NAV3: variants seen among roughly 807,000 people sequenced by gnomAD.
NAV3 encodes pore membrane and/or filament interacting like protein 1.
A neutral mutation model predicts 244.7 loss-of-function variants in NAV3; 87 were observed. The observed-to-expected ratio is 0.36, with a 90% CI of 0.30 to 0.42. The LOEUF is 0.42. Ranked by LOEUF, NAV3 falls within the 20% of genes least tolerant of loss-of-function variation. NAV3 has a pLI of 1.00. For synonymous variants in NAV3, 1,126 were observed against 1,042.2 expected (o/e 1.08, Z -1.55); for missense variants, 2,663 against 2,893.3 (o/e 0.92, Z 1.83).
chr12:78,023,775 T>C (rs1194147129), intron 9 of NAV3, among the ~76,000 whole-genome samples: 1 of 152,186 alleles, frequency 6.6e-6, no homozygotes, highest in South Asian at 2.1e-4. Flanking sequence ...GAAATTAGAT[T>C]ACATATCTTC....
At chr12:77,883,257 C>A (rs987024312) in intron 1 of NAV3, among the ~76,000 whole-genome samples, 4 of 152,102 alleles carry the variant, frequency 2.6e-5, no homozygotes, top group African/African-American at 9.7e-5. Flanking sequence ...GAATACTATG[C>A]TGCTATAAAA....
chr12:78,097,133 G>A (rs1017794511), intron 12 of NAV3, among the ~76,000 whole-genome samples: 1 of 152,164 alleles, frequency 6.6e-6, no homozygotes, highest in Non-Finnish European at 1.5e-5. Context: ...TAGACCTGGA[G>A]GGAGGTTAGG....
intron 2 of NAV3, among the ~76,000 whole-genome samples, chr12:77,639,963 A>T (rs1050984660): frequency 1.3e-5 from 2 of 152,162 alleles, no homozygotes; most frequent in East Asian, 3.9e-4. Flanking sequence ...AGAAGAGTTT[A>T]GAGCAATCTC....
intron 22 of NAV3, among the ~76,000 whole-genome samples, chr12:78,153,095 A>G (rs1244339453): frequency 6.6e-6 from 1 of 152,070 alleles, no homozygotes; most frequent in East Asian, 1.9e-4. Context: ...TAATTGGTAT[A>G]TCGCATATTT....
intron 2 of NAV3, among the ~76,000 whole-genome samples, chr12:77,785,945 A>G (rs1049903580): frequency 2.6e-5 from 4 of 152,214 alleles, no homozygotes; most frequent in African/African-American, 9.6e-5. Flanking sequence ...GATGTTTGTT[A>G]CATTCAACCT....
At chr12:77,637,760 ATTC>A (rs1448348796) in intron 2 of NAV3, among the ~76,000 whole-genome samples, 1 of 152,180 alleles carries the variant, frequency 6.6e-6, no homozygotes, top group African/African-American at 2.4e-5. Flanking sequence ...TTCAGTCAGT[ATTC>A]TTATTTTAAA....
rs1293179126 is a variant in NAV3, at chr12:78,212,900, T to G, written c.*2383T>G. On this transcript the variant is annotated 3_prime_UTR_variant, in exon 40 of 40. Coordinates refer to ENST00000397909, the MANE Select transcript of NAV3 (RefSeq NM_001024383.2). ...ACTGGATGATGTATTTTCTATTGGT[T>G]TATTGTTCCTCTAGCTTGTAAACCA... The G allele has an allele frequency of 6.6e-6, 1 of 152,604 alleles. No homozygotes were observed. Among genetic ancestry groups the G allele is most frequent in the East Asian group, 1.9e-4 (1 of 5,200 alleles). 9.5% of individuals were successfully genotyped at this position (152,604 alleles called of 1,614,324 possible).
chr12:78,191,200 T>C (rs1326961713), intron 34 of NAV3, among the ~76,000 whole-genome samples: 1 of 152,122 alleles, frequency 6.6e-6, no homozygotes, highest in Non-Finnish European at 1.5e-5. Flanking sequence ...TATAGCTTAA[T>C]GAACAAAAAG....
intron 1 of NAV3, among the ~76,000 whole-genome samples, chr12:77,890,285 T>G (rs988426578): frequency 2.6e-5 from 4 of 152,010 alleles, no homozygotes; most frequent in Admixed American, 1.3e-4. Flanking sequence ...TTATTTATTT[T>G]TTGTATTTTT....
intron 1 of NAV3, among the ~76,000 whole-genome samples, chr12:77,876,034 C>T (rs1881800861): frequency 6.6e-6 from 1 of 151,630 alleles, no homozygotes; most frequent in Non-Finnish European, 1.5e-5. Flanking sequence ...ATCTAAATAC[C>T]AAAATAATTA....
chr12:78,057,356 A>G (rs1020260779), intron 11 of NAV3, among the ~76,000 whole-genome samples: 3 of 152,200 alleles, frequency 2.0e-5, no homozygotes, highest in Non-Finnish European at 2.9e-5. Flanking sequence ...GGGTAGATAT[A>G]CTTTAATCCT....
intron 9 of NAV3, among the ~76,000 whole-genome samples, chr12:78,024,991 A>AT (rs1877780334): frequency 6.6e-6 from 1 of 150,930 alleles, no homozygotes; most frequent in African/African-American, 2.4e-5. Flanking sequence ...AAGGGGGAAA[A>AT]AAAAAGCCAC....
At chr12:77,724,322 C>A (rs868542412) in intron 2 of NAV3, among the ~76,000 whole-genome samples, 1 of 151,800 alleles carries the variant, frequency 6.6e-6, no homozygotes, top group African/African-American at 2.4e-5. Flanking sequence ...AACTTTCATT[C>A]AATGCCTGCA....
chr12:78,101,977 G>GA (rs1194948074), intron 12 of NAV3, among the ~76,000 whole-genome samples: 2 of 152,018 alleles, frequency 1.3e-5, no homozygotes, highest in Admixed American at 1.3e-4. Flanking sequence ...AAAAATGTGC[G>GA]AAAAAGTTAT....
intron 2 of NAV3, among the ~76,000 whole-genome samples, chr12:77,805,416 T>C (rs1871925634): frequency 6.6e-6 from 1 of 152,216 alleles, no homozygotes; most frequent in Non-Finnish European, 1.5e-5. Flanking sequence ...CTGCATCTAT[T>C]GAGATAATCA....
intron 1 of NAV3, among the ~76,000 whole-genome samples, chr12:77,898,934 G>C (rs1373583380): frequency 6.6e-6 from 1 of 152,160 alleles, no homozygotes; most frequent in Non-Finnish European, 1.5e-5. Flanking sequence ...GGAAGAAGTT[G>C]TTTCTAACTA....
At chr12:77,834,390 AG>A (rs1302514666) in intron 1 of NAV3, among the ~76,000 whole-genome samples, 32 of 152,248 alleles carry the variant, frequency 2.1e-4, no homozygotes, top group African/African-American at 7.7e-4. Flanking sequence ...CTCAGTTCAA[AG>A]TGAACAATTC....
chr12:77,914,783 C>G (rs889629856), intron 1 of NAV3, among the ~76,000 whole-genome samples: 11 of 149,660 alleles, frequency 7.3e-5, no homozygotes, highest in African/African-American at 2.7e-4. Flanking sequence ...ATCTTAAGCT[C>G]AAAACAATAA....
chr12:77,654,385 G>A (rs1592544688), intron 2 of NAV3, among the ~76,000 whole-genome samples: 4 of 152,208 alleles, frequency 2.6e-5, no homozygotes, highest in Admixed American at 2.6e-4. Flanking sequence ...ACTGCAAGGC[G>A]GCAGCGAGGC....
Sources: gnomAD v4.1 joint callset for allele counts (sites outside exome capture counted in the v4.1 genomes callset) on GRCh38, gnomAD v4.1.1 for gene constraint, MANE v1.5 for transcripts, NCBI Gene and HGNC (gene_info 2026-07-23, HGNC 2026-07-21) for gene names.